The following CXADR variants were observed in gnomAD, a reference collection of about 807,000 sequenced individuals.
CXADR encodes CXADR cell adhesion molecule, also known as coxsackievirus and adenovirus receptor.
In CXADR, 20 loss-of-function variants were observed where a neutral mutation model predicts 40.3. The observed-to-expected ratio is 0.50, with a 90% CI of 0.35 to 0.72. The LOEUF is 0.72. Among genes scored for constraint, CXADR ranks in the 30% least tolerant of loss-of-function variants. The pLI is 0.01. For synonymous variants in CXADR, 150 were observed against 161.3 expected (o/e 0.93, Z 0.53); for missense variants, 332 against 449.1 (o/e 0.74, Z 2.36).
At chr21:17,630,591 T>C in the CXADR span, among the ~76,000 whole-genome samples, 1 of 151,864 alleles carries the variant, frequency 6.6e-6, no homozygotes, top group Non-Finnish European at 1.5e-5. Flanking sequence ...AGTCCACATA[T>C]TTAAATGTTT....
At chr21:17,545,371 G>C (rs1461275839) in intron 1 of CXADR, among the ~76,000 whole-genome samples, 1 of 152,008 alleles carries the variant, frequency 6.6e-6, no homozygotes, top group Non-Finnish European at 1.5e-5. Context: ...TACTTTTATA[G>C]TATGAATAGG....
chr21:17,542,094 A>AG (rs780829272), intron 1 of CXADR: 21 of 314,476 alleles, frequency 6.7e-5, no homozygotes, highest in Non-Finnish European at 1.2e-4. Flanking sequence ...CTTCTTCCAT[A>AG]GCTTTTGTGT....
intron 1 of CXADR, among the ~76,000 whole-genome samples, chr21:17,514,878 C>T (rs757057621): frequency 1.3e-5 from 2 of 152,120 alleles, no homozygotes; most frequent in African/African-American, 2.4e-5. Flanking sequence ...CCTCCCTCAG[C>T]CTCCCAGAGT....
downstream of CXADR, among the ~76,000 whole-genome samples, chr21:17,596,456 T>C (rs150525005): frequency 4.6e-5 from 7 of 152,166 alleles, 1 homozygote; most frequent in African/African-American, 1.7e-4. Flanking sequence ...CTCAAATCAA[T>C]ATTTTTGTGT....
the CXADR span, among the ~76,000 whole-genome samples, chr21:17,629,572 C>G: frequency 6.6e-6 from 1 of 151,456 alleles, no homozygotes; most frequent in Non-Finnish European, 1.5e-5. Flanking sequence ...TCAAACAAAA[C>G]AAAACAAAAC....
At chr21:17,598,789 C>G in the CXADR span, 9 of 1,613,998 alleles carry the variant, frequency 5.6e-6, no homozygotes, top group East Asian at 2.0e-4. Flanking sequence ...ATTTTCAAAG[C>G]TGGCAACAAT....
At chr21:17,561,948 C>G (rs1032927131) in intron 6 of CXADR, among the ~76,000 whole-genome samples, 1 of 152,162 alleles carries the variant, frequency 6.6e-6, no homozygotes. Context: ...TAACACATGA[C>G]TTCACACCCT....
intron 7 of CXADR, among the ~76,000 whole-genome samples, chr21:17,581,230 C>T (rs2061357834): frequency 6.6e-6 from 1 of 151,984 alleles, no homozygotes; most frequent in South Asian, 2.1e-4. Flanking sequence ...TTAATCCCAT[C>T]CTTTTGGTAT....
In CXADR at chr21:17,542,738, A is replaced by T. The variant is rs956351781; in HGVS notation, c.44-4289A>T. On this transcript the variant is annotated intron_variant, in intron 1 of 6. Transcript: ENST00000284878. Reference sequence around the variant, plus strand: ...GAATTATAAATTTGAATAAAATTGTAAGAAGATCTGATATTTGATTTACCT... The same window carrying T: ...GAATTATAAATTTGAATAAAATTGTTAGAAGATCTGATATTTGATTTACCT... 4.6e-5 allele frequency among the ~76,000 whole-genome samples: 7 copies of T among 152,360 alleles called. No homozygotes were observed. The East Asian group carries it at 1.3e-3, about 29-fold the overall frequency.
chr21:17,579,514 G>C (rs1199472620), intron 7 of CXADR, among the ~76,000 whole-genome samples: 1 of 152,174 alleles, frequency 6.6e-6, no homozygotes, highest in East Asian at 1.9e-4. Context: ...TCGATCTCCT[G>C]ACCTCGTGAT....
chr21:17,526,168 G>A (rs780494136), intron 1 of CXADR, among the ~76,000 whole-genome samples: 1 of 152,206 alleles, frequency 6.6e-6, no homozygotes, highest in Non-Finnish European at 1.5e-5. Flanking sequence ...TTTAGTTCCA[G>A]TCATCTTCCA....
At chr21:17,553,906 C>T (rs1486255297) in intron 3 of CXADR, among the ~76,000 whole-genome samples, 3 of 152,114 alleles carry the variant, frequency 2.0e-5, no homozygotes, top group Admixed American at 6.6e-5. Context: ...TGTGAGCCAC[C>T]GCACCCAGCT....
chr21:17,571,520 A>G (rs1569146092), downstream of CXADR, among the ~76,000 whole-genome samples: 2 of 152,214 alleles, frequency 1.3e-5, no homozygotes, highest in African/African-American at 4.8e-5. Flanking sequence ...AAACTGAGAC[A>G]ACATTGGGTA....
the CXADR span, among the ~76,000 whole-genome samples, chr21:17,619,466 G>T: frequency 6.6e-6 from 1 of 152,166 alleles, no homozygotes; most frequent in African/African-American, 2.4e-5. Flanking sequence ...ATGCATGCCT[G>T]TAATCCCAGC....
the CXADR span, among the ~76,000 whole-genome samples, chr21:17,609,481 G>A: frequency 6.6e-6 from 1 of 152,182 alleles, no homozygotes; most frequent in Non-Finnish European, 1.5e-5. Context: ...ATGTTACTGT[G>A]TGTGTCAATA....
At chr21:17,530,406 T>A (rs774850636) in intron 1 of CXADR, 3 of 456,440 alleles carry the variant, frequency 6.6e-6, no homozygotes, top group South Asian at 4.7e-5. Flanking sequence ...GTTGTGTAGC[T>A]TTGTTTTATT....
chr21:17,535,113 A>G (rs2060737802), intron 1 of CXADR, among the ~76,000 whole-genome samples: 1 of 151,410 alleles, frequency 6.6e-6, no homozygotes, highest in African/African-American at 2.4e-5. Context: ...GCTGTAGTGA[A>G]TCATTTTTTG....
At chr21:17,623,098 C>T in the CXADR span, among the ~76,000 whole-genome samples, 25 of 152,120 alleles carry the variant, frequency 1.6e-4, 1 homozygote, top group African/African-American at 3.1e-4. Flanking sequence ...TGCCATCATG[C>T]GCAGCTAATT....
intron 1 of CXADR, among the ~76,000 whole-genome samples, chr21:17,537,290 A>G (rs1646073407): frequency 6.6e-6 from 1 of 152,248 alleles, no homozygotes; most frequent in East Asian, 1.9e-4. Flanking sequence ...TTTTTTCACT[A>G]TTTGTAAATG....
Sources: allele counts gnomAD v4.1 joint callset (sites outside exome capture counted in the v4.1 genomes callset), GRCh38; gene constraint gnomAD v4.1.1; transcripts MANE v1.5; gene names NCBI Gene and HGNC (gene_info 2026-07-23, HGNC 2026-07-21).